Variants in RABGAP1 observed in about 807,000 individuals in gnomAD.
The protein encoded by RABGAP1 is RAB GTPase activating protein 1, also known as rab GTPase-activating protein 1.
RABGAP1 carries 23 observed loss-of-function variants against 137.6 expected under a neutral mutation model. The ratio of observed to expected loss-of-function variants is 0.17; its 90% CI spans 0.12 to 0.24. The LOEUF is 0.24. Among genes scored for constraint, RABGAP1 ranks in the 10% least tolerant of loss-of-function variants. RABGAP1 has a pLI of 1.00. For missense variants in RABGAP1, 906 were observed against 1,275.8 expected (o/e 0.71, Z 4.42); for synonymous variants, 451 against 450.7 (o/e 1.00, Z -0.01).
intron 20 of RABGAP1, 101 bp from the exon 21 acceptor site, chr9:123,090,174 T>G: frequency 2.3e-6 from 2 of 865,714 alleles, no homozygotes; most frequent in South Asian, 3.6e-5. Flanking sequence ...CTCTTATTGT[T>G]TCCATAGGAC....
intron 13 of RABGAP1, among the ~76,000 whole-genome samples, chr9:123,057,359 C>T (rs1166349286): frequency 1.3e-5 from 2 of 150,200 alleles, no homozygotes; most frequent in African/African-American, 2.5e-5. Context: ...CAGAGACGCT[C>T]CTCACCTCCC....
intron 2 of RABGAP1, among the ~76,000 whole-genome samples, chr9:122,964,429 G>A (rs1384622246): frequency 6.6e-6 from 1 of 152,110 alleles, no homozygotes; most frequent in Non-Finnish European, 1.5e-5. Flanking sequence ...AATTATTAAT[G>A]TAATACACCG....
chr9:122,994,243 C>T (rs1156332832), intron 6 of RABGAP1, among the ~76,000 whole-genome samples: 4 of 152,190 alleles, frequency 2.6e-5, no homozygotes, highest in African/African-American at 9.7e-5. Context: ...TGATTACACT[C>T]TCCATTCTGC....
chr9:123,087,681 G>A (rs1311947154), intron 19 of RABGAP1, among the ~76,000 whole-genome samples: 1 of 152,210 alleles, frequency 6.6e-6, no homozygotes, highest in East Asian at 1.9e-4. Flanking sequence ...GTCAGCTGGA[G>A]CAGAATGCTG....
chr9:123,014,625 G>A (rs746456042), intron 11 of RABGAP1, among the ~76,000 whole-genome samples: 26 of 150,136 alleles, frequency 1.7e-4, no homozygotes, highest in Non-Finnish European at 3.1e-4. Flanking sequence ...ATACCCGACC[G>A]AGACTGAGTA....
At chr9:122,956,509 G>T (rs749092126) in intron 1 of RABGAP1, among the ~76,000 whole-genome samples, 3 of 152,120 alleles carry the variant, frequency 2.0e-5, no homozygotes, top group Non-Finnish European at 2.9e-5. Flanking sequence ...AATTAGCCGG[G>T]CGTGGTGGCA....
At chr9:123,001,932 T>A (rs982236326) in intron 10 of RABGAP1, among the ~76,000 whole-genome samples, 1 of 152,194 alleles carries the variant, frequency 6.6e-6, no homozygotes, top group Non-Finnish European at 1.5e-5. Flanking sequence ...ATTATTTAGA[T>A]GGAGGGTGAG....
chr9:122,991,603 C>T (rs887030772), intron 6 of RABGAP1, among the ~76,000 whole-genome samples: 1 of 141,242 alleles, frequency 7.1e-6, no homozygotes, highest in Non-Finnish European at 1.5e-5. Context: ...TTCTCTCTCT[C>T]TCTTTTTTTT....
intron 1 of RABGAP1, 39 bp from the exon 2 acceptor site, chr9:122,956,972 A>G: frequency 9.2e-7 from 1 of 1,087,808 alleles, no homozygotes. Flanking sequence ...TATCTGGCAG[A>G]CATTCTATAT....
chr9:122,975,550 A>AGGTGT (rs1835720442), intron 2 of RABGAP1, among the ~76,000 whole-genome samples: 1 of 152,224 alleles, frequency 6.6e-6, no homozygotes, highest in Admixed American at 6.5e-5. Flanking sequence ...CATGAATAGT[A>AGGTGT]GGTGTGTTCT....
At chr9:122,987,149 T>C (rs1436689155) in intron 4 of RABGAP1, among the ~76,000 whole-genome samples, 1 of 150,336 alleles carries the variant, frequency 6.7e-6, no homozygotes, top group Non-Finnish European at 1.5e-5. Flanking sequence ...CAAAGCAAAA[T>C]GAAAAAAAAA....
At chr9:123,045,114 T>C (rs1291414226) in intron 13 of RABGAP1, among the ~76,000 whole-genome samples, 1 of 152,220 alleles carries the variant, frequency 6.6e-6, no homozygotes, top group African/African-American at 2.4e-5. Context: ...ATAAAAGTAA[T>C]CATATTTTCA....
intron 19 of RABGAP1, among the ~76,000 whole-genome samples, chr9:123,085,858 A>G (rs540849510): frequency 7.9e-5 from 12 of 152,360 alleles, no homozygotes; most frequent in African/African-American, 2.6e-4. Context: ...TGCACATAGT[A>G]GTGCTTAACT....
At chr9:123,055,252 C>T (rs1191199833) in intron 13 of RABGAP1, among the ~76,000 whole-genome samples, 1 of 152,176 alleles carries the variant, frequency 6.6e-6, no homozygotes, top group African/African-American at 2.4e-5. Flanking sequence ...AATGCAATGG[C>T]ACGATCACAG....
intron 1 of RABGAP1, among the ~76,000 whole-genome samples, chr9:122,951,885 T>A (rs1373688471): frequency 6.6e-6 from 1 of 152,200 alleles, no homozygotes; most frequent in African/African-American, 2.4e-5. Context: ...TTGTGAATCT[T>A]TATTTAGCAA....
chr9:123,051,796 T>TTTA (rs1267819643), intron 13 of RABGAP1, among the ~76,000 whole-genome samples: 1 of 149,370 alleles, frequency 6.7e-6, no homozygotes, highest in Non-Finnish European at 1.5e-5. Flanking sequence ...TTTATTTTAT[T>TTTA]ATTATCTTTT....
intron 6 of RABGAP1, among the ~76,000 whole-genome samples, chr9:122,995,033 C>T (rs1192353977): frequency 2.0e-5 from 3 of 152,140 alleles, no homozygotes; most frequent in African/African-American, 7.2e-5. Flanking sequence ...AGGAAGATAG[C>T]TTGAGCCCAG....
intron 14 of RABGAP1, 145 bp downstream of exon 14, chr9:123,065,606 G>T: frequency 1.5e-6 from 1 of 672,642 alleles, no homozygotes. Flanking sequence ...TCAAAGGTGA[G>T]AACACAATTT....
In RABGAP1 at chr9:123,104,103, C is replaced by T. The variant is rs1046984983; in HGVS notation, c.*890C>T. The T allele has an allele frequency of 3.9e-5, 6 of 152,388 alleles. No homozygotes were observed. The highest frequency in any genetic ancestry group is 1.5e-4 in the African/African-American group (6 of 41,338). 9.4% of individuals were successfully genotyped at this position (152,388 alleles called of 1,614,324 possible). A position where few individuals can be genotyped will look rare whatever the true frequency, so the allele number is the denominator to read the frequency against. On this transcript the variant is annotated 3_prime_UTR_variant, in exon 26 of 26. Transcript: ENST00000373647. ...CAATTTAATTATGTGGTTATTCGAGCACTTAATTTCACTCAAGGTTCATTG... is the reference window on the plus strand; with the variant it reads ...CAATTTAATTATGTGGTTATTCGAGTACTTAATTTCACTCAAGGTTCATTG...
Sources: allele counts gnomAD v4.1 joint callset (sites outside exome capture counted in the v4.1 genomes callset), GRCh38; gene constraint gnomAD v4.1.1; transcripts MANE v1.5; gene names NCBI Gene and HGNC (gene_info 2026-07-23, HGNC 2026-07-21).